Variants in ASIC2 observed in about 807,000 individuals in gnomAD.
ASIC2 encodes acid-sensing ion channel 2.
In ASIC2, 25 loss-of-function variants were observed where a neutral mutation model predicts 57.3. The ratio of observed to expected loss-of-function variants is 0.44; its 90% CI spans 0.32 to 0.61. The LOEUF is 0.61. Among genes scored for constraint, ASIC2 ranks in the 20% least tolerant of loss-of-function variants. The pLI, the probability that ASIC2 is intolerant of heterozygous loss-of-function variation, is 0.06. For synonymous variants in ASIC2, 319 were observed against 307.5 expected, an observed-to-expected ratio of 1.04 and a Z score of -0.39; for missense variants, 641 against 738.1, an observed-to-expected ratio of 0.87 and a Z score of 1.52.
intron 1 of ASIC2, among the ~76,000 whole-genome samples, chr17:33,408,477 T>A (rs750816090): frequency 3.3e-5 from 5 of 152,220 alleles, no homozygotes; most frequent in African/African-American, 4.8e-5. Context: ...AGTTTGTGCA[T>A]CTTTAAAACA....
chr17:33,158,576 T>C (rs972593590), intron 1 of ASIC2, among the ~76,000 whole-genome samples: 5 of 152,210 alleles, frequency 3.3e-5, no homozygotes, highest in African/African-American at 9.6e-5. Context: ...AGGAGAGTGA[T>C]TGGCATGGCC....
rs571178648 is a variant in ASIC2 at position 33,236,705 on chromosome 17, G to C, written c.708+54703C>G. On this transcript the variant is annotated intron_variant, in intron 1 of 9. Transcript: ENST00000225823. ...TTGAGACAAAATCATCCTGGATTTA[G>C]AGTGGGCTCTAAATTCAATGATGGG... Among the ~76,000 whole-genome samples, 3 of 152,280 alleles carry C rather than the reference G, an allele frequency of 2.0e-5. No individual in the cohort carries two copies. The East Asian group carries it at 5.8e-4, about 29-fold the overall frequency.
intron 2 of ASIC2, among the ~76,000 whole-genome samples, chr17:33,089,865 G>A (rs2092150550): frequency 6.6e-6 from 1 of 152,144 alleles, no homozygotes; most frequent in Non-Finnish European, 1.5e-5. Flanking sequence ...GGGAGGTTGG[G>A]GGCGGTACAG....
chr17:33,548,735 G>A (rs1438054446), intron 1 of ASIC2, among the ~76,000 whole-genome samples: 3 of 152,086 alleles, frequency 2.0e-5, no homozygotes, highest in Non-Finnish European at 4.4e-5. Context: ...TCCCCACCTT[G>A]CCCATTCCAC....
At chr17:33,515,409 C>G (rs1914535573) in intron 1 of ASIC2, among the ~76,000 whole-genome samples, 1 of 152,220 alleles carries the variant, frequency 6.6e-6, no homozygotes, top group South Asian at 2.1e-4. Flanking sequence ...ACAGCTCTGG[C>G]ACCAAACTCA....
At chr17:33,924,881 G>A (rs1054477094) in intron 1 of ASIC2, among the ~76,000 whole-genome samples, 1 of 152,220 alleles carries the variant, frequency 6.6e-6, no homozygotes, top group Non-Finnish European at 1.5e-5. Flanking sequence ...AGAAGAGCAA[G>A]CTTCGTGATG....
intron 1 of ASIC2, among the ~76,000 whole-genome samples, chr17:33,657,146 C>T (rs1482822892): frequency 1.3e-5 from 2 of 152,218 alleles, no homozygotes; most frequent in Non-Finnish European, 2.9e-5. Flanking sequence ...TGGCAGGCCC[C>T]AGCCCATTCT....
At chr17:33,344,918 G>T (rs1324998797) in intron 1 of ASIC2, among the ~76,000 whole-genome samples, 1 of 147,966 alleles carries the variant, frequency 6.8e-6, no homozygotes, top group African/African-American at 2.5e-5. Context: ...CACTATATAT[G>T]CAACAAAACC....
chr17:33,807,812 T>C (rs1912310963), intron 1 of ASIC2, among the ~76,000 whole-genome samples: 1 of 152,260 alleles, frequency 6.6e-6, no homozygotes, highest in South Asian at 2.1e-4. Context: ...AGCATATTTT[T>C]ATATGCTTAT....
At chr17:33,787,529 A>G (rs1001424200) in intron 1 of ASIC2, among the ~76,000 whole-genome samples, 3 of 152,244 alleles carry the variant, frequency 2.0e-5, no homozygotes, top group African/African-American at 7.2e-5. Flanking sequence ...AGAAGAAAAT[A>G]CATATTTTTG....
intron 1 of ASIC2, among the ~76,000 whole-genome samples, chr17:33,377,552 C>T (rs1909326507): frequency 6.6e-6 from 1 of 152,200 alleles, no homozygotes; most frequent in Non-Finnish European, 1.5e-5. Flanking sequence ...TTCTCTCTGC[C>T]TTACCCTCCA....
At chr17:34,077,921 T>G (rs1175405957) in intron 1 of ASIC2, among the ~76,000 whole-genome samples, 1 of 152,144 alleles carries the variant, frequency 6.6e-6, no homozygotes, top group Non-Finnish European at 1.5e-5. Flanking sequence ...AGGTTGCAGT[T>G]GCACTTTGCA....
chr17:33,486,257 T>G (rs1251396746), intron 1 of ASIC2, among the ~76,000 whole-genome samples: 1 of 152,216 alleles, frequency 6.6e-6, no homozygotes, highest in African/African-American at 2.4e-5. Context: ...AGCTCTATGT[T>G]GTGGGCATTT....
intron 2 of ASIC2, among the ~76,000 whole-genome samples, chr17:33,091,804 C>T (rs770847221): frequency 2.6e-5 from 4 of 152,186 alleles, no homozygotes; most frequent in East Asian, 1.9e-4. Context: ...TAGAGCACTG[C>T]GGACCAGTGG....
intron 1 of ASIC2, among the ~76,000 whole-genome samples, chr17:33,436,239 G>A (rs1440817849): frequency 6.6e-6 from 1 of 152,204 alleles, no homozygotes; most frequent in Non-Finnish European, 1.5e-5. Flanking sequence ...AACTGCCTTT[G>A]TAAGACTAAT....
chr17:34,089,012 G>A (rs1408816984), intron 1 of ASIC2, among the ~76,000 whole-genome samples: 1 of 152,206 alleles, frequency 6.6e-6, no homozygotes, highest in Admixed American at 6.5e-5. Flanking sequence ...GCCTAGCCCT[G>A]CTTCGGCTCG....
intron 1 of ASIC2, among the ~76,000 whole-genome samples, chr17:33,459,902 A>T (rs17836820): frequency 0.011 from 1,728 of 152,084 alleles, 58 homozygotes; most frequent in East Asian, 0.11. Context: ...AGTGTTAAGG[A>T]TATTAATTAG....
intron 1 of ASIC2, among the ~76,000 whole-genome samples, chr17:33,746,917 A>G (rs1290940544): frequency 6.6e-6 from 1 of 152,212 alleles, no homozygotes; most frequent in East Asian, 1.9e-4. Flanking sequence ...AAATATGTAG[A>G]AAGTAAGCAA....
chr17:33,126,312 C>T (rs947959287), intron 1 of ASIC2, among the ~76,000 whole-genome samples: 1 of 152,212 alleles, frequency 6.6e-6, no homozygotes, highest in Admixed American at 6.5e-5. Context: ...TTTCTCTGAC[C>T]TGTTTCCTCA....
Sources: allele counts gnomAD v4.1 joint callset (sites outside exome capture counted in the v4.1 genomes callset), GRCh38; gene constraint gnomAD v4.1.1; transcripts MANE v1.5; gene names NCBI Gene and HGNC (gene_info 2026-07-23, HGNC 2026-07-21).